CHEK2: variants seen among roughly 807,000 people sequenced by gnomAD.
CHEK2 encodes the protein checkpoint kinase 2.
CHEK2 carries 71 observed loss-of-function variants against 69.1 expected under a neutral mutation model. The observed-to-expected ratio is 1.03, with a 90% CI of 0.85 to 1.25. The LOEUF is 1.25. Among genes scored for constraint, CHEK2 ranks in the 50% most tolerant of loss-of-function variants. The pLI is 0.00. For missense variants in CHEK2, 664 were observed against 649.6 expected, an observed-to-expected ratio of 1.02 and a Z score of -0.24; for synonymous variants, 189 against 226.9, an observed-to-expected ratio of 0.83 and a Z score of 1.50.
At position 28,741,789 on chromosome 22, in the gene CHEK2, C is replaced by T. The variant is rs1057522353; in HGVS notation, c.-27G>A. 2.1e-6 allele frequency: 1 copy of T among 487,598 alleles called. No homozygotes were observed. Among genetic ancestry groups the T allele is most frequent in the Non-Finnish European group, 3.7e-6 (1 of 267,620 alleles). 30.2% of individuals were successfully genotyped at this position (487,598 alleles called of 1,614,324 possible). A position where few individuals can be genotyped will look rare whatever the true frequency, so the allele number is the denominator to read the frequency against. On this transcript the variant is annotated 5_prime_UTR_variant, in exon 1 of 15. Transcript: ENST00000404276. The stretch of plus-strand genomic sequence containing the variant: ...CTCACCGCGTGAGCCCACCTGGAGC[C>T]GCACACTCTCCGCAGCCTCAGCCAG...
intron 4 of CHEK2, among the ~76,000 whole-genome samples, chr22:28,722,433 G>C (rs1395469748): frequency 6.6e-6 from 1 of 151,338 alleles, no homozygotes; most frequent in Non-Finnish European, 1.5e-5. Context: ...CCAACTACTT[G>C]GGAGGCTGAG....
At position 28,696,973 on chromosome 22, in the gene CHEK2, G is replaced by A. The variant is rs377668478; in HGVS notation, c.1023C>T (p.Asn341=). ...GCTTTAAGTCACGGTGTATAATACC[G>A]TTTTCATGAAGGTACTACACAGAAA... ...MLLAVQYLHE[N]GIIHRDLKPE... is the part of the protein sequence containing the mutation. Residue 341 remains asparagine, a synonymous_variant, in exon 10 of 15, where the codon AAC becomes AAT. Coordinates refer to ENST00000404276, the MANE Select transcript of CHEK2 (RefSeq NM_007194.4). 2.0e-5 allele frequency: 33 copies of A among 1,611,370 alleles called. No homozygotes were observed. The highest frequency in any genetic ancestry group is 9.4e-5 in the African/African-American group (7 of 74,854).
intron 14 of CHEK2, among the ~76,000 whole-genome samples, chr22:28,688,466 C>T (rs995162198): frequency 8.5e-5 from 13 of 152,290 alleles, no homozygotes; most frequent in Middle Eastern, 3.4e-3. Context: ...GTCAAAAGTT[C>T]GAGACAAGCC....
chr22:28,695,924 A>G, intron 10 of CHEK2, 51 bp from the exon 11 acceptor site: 2 of 1,438,530 alleles, frequency 1.4e-6, no homozygotes, highest in Non-Finnish European at 2.0e-6. Flanking sequence ...TAAAATAAAA[A>G]GATTAACATA....
chr22:28,693,881 G>T, intron 13 of CHEK2, 151 bp downstream of exon 13: 1 of 693,484 alleles, frequency 1.4e-6, no homozygotes, highest in Non-Finnish European at 2.6e-6. Context: ...AAAACAGGTT[G>T]TAACCCATCC....
At chr22:28,731,373 C>G (rs1335703337) in intron 2 of CHEK2, among the ~76,000 whole-genome samples, 1 of 152,146 alleles carries the variant, frequency 6.6e-6, no homozygotes, top group African/African-American at 2.4e-5. Flanking sequence ...CCAAGGCGGG[C>G]AGATCACCTG....
At chr22:28,726,908 G>T (rs2054031531) in intron 2 of CHEK2, among the ~76,000 whole-genome samples, 1 of 150,304 alleles carries the variant, frequency 6.7e-6, no homozygotes, top group East Asian at 2.0e-4. Flanking sequence ...CCCCAAGAAT[G>T]CTGGGTTCAA....
intron 5 of CHEK2, among the ~76,000 whole-genome samples, chr22:28,715,088 C>T (rs1480803932): frequency 6.6e-6 from 1 of 152,236 alleles, no homozygotes; most frequent in Non-Finnish European, 1.5e-5. Context: ...TTCATACCTA[C>T]AGCCAGAGTT....
At chr22:28,692,804 G>C (rs2052416062) in intron 13 of CHEK2, among the ~76,000 whole-genome samples, 2 of 152,250 alleles carry the variant, frequency 1.3e-5, no homozygotes, top group African/African-American at 2.4e-5. Flanking sequence ...GACCTGTTGA[G>C]AGGTGATTGG....
intron 1 of CHEK2, among the ~76,000 whole-genome samples, chr22:28,738,247 T>C (rs2054471358): frequency 6.6e-6 from 1 of 152,152 alleles, no homozygotes; most frequent in South Asian, 2.1e-4. Flanking sequence ...GAGTTTTCTT[T>C]AAAACATACC....
chr22:28,711,240 G>C (rs1048978830), intron 6 of CHEK2, among the ~76,000 whole-genome samples: 3 of 152,100 alleles, frequency 2.0e-5, no homozygotes, highest in East Asian at 1.9e-4. Context: ...ATAAAGAAAG[G>C]CTATTTCAAT....
At chr22:28,694,724 G>GTT (rs1003350082) in intron 12 of CHEK2, among the ~76,000 whole-genome samples, 2 of 152,172 alleles carry the variant, frequency 1.3e-5, no homozygotes, top group African/African-American at 2.4e-5. Context: ...ATGACATCTA[G>GTT]TTTTTACATG....
rs1278025153 is a variant in CHEK2 at position 28,693,783 on chromosome 22, C to T, written c.1461+249G>A. ...CTGAGGCAGGAGAATCACTTGAACC[C>T]GGGGGCCAGAGGTTGCAGTGAGCTG... On this transcript the variant is annotated intron_variant, in intron 13 of 14. Transcript: ENST00000404276. 5.3e-5 allele frequency among the ~76,000 whole-genome samples: 8 copies of T among 152,116 alleles called. No individual in the cohort carries two copies. The South Asian group carries it at 8.3e-4, about 16-fold the overall frequency.
intron 12 of CHEK2, 60 bp from the exon 13 acceptor site, chr22:28,694,177 T>G (rs769859259): frequency 1.6e-4 from 186 of 1,148,888 alleles, no homozygotes; most frequent in Non-Finnish European, 2.3e-4. Flanking sequence ...AGTAAGAGTA[T>G]GCCAGAATTA....
intron 1 of CHEK2, among the ~76,000 whole-genome samples, chr22:28,736,222 G>A (rs1196945873): frequency 6.6e-6 from 1 of 152,170 alleles, no homozygotes; most frequent in Non-Finnish European, 1.5e-5. Flanking sequence ...ATTGAAAGTT[G>A]AGGAGCATCT....
In CHEK2 at chr22:28,695,751, A is replaced by T. The variant is rs2052553322; in HGVS notation, c.1218T>A (p.Arg406=). The change falls in exon 11 of 15, where the codon CGT becomes CGA. Residue 406 remains arginine, a synonymous_variant. Transcript: ENST00000404276. ...LVSVGTAGYN[R]AVDCWSLGVI... ...CTCCTAAACTCCAGCAGTCCACAGC[A>T]CGGTTATACCCAGCAGTCCCAACAG... The T allele has an allele frequency of 6.2e-7, 1 of 1,613,866 alleles. No individual in the cohort carries two copies. The highest frequency in any genetic ancestry group is 8.5e-7 in the Non-Finnish European group (1 of 1,179,740).
chr22:28,699,006 T>C (rs969449358), intron 9 of CHEK2, among the ~76,000 whole-genome samples: 15 of 151,938 alleles, frequency 9.9e-5, no homozygotes, highest in African/African-American at 3.6e-4. Context: ...CATAGGGCCA[T>C]GTTATCTCTT....
At chr22:28,688,711 C>T (rs1340570051) in intron 14 of CHEK2, among the ~76,000 whole-genome samples, 3 of 142,270 alleles carry the variant, frequency 2.1e-5, no homozygotes, top group Non-Finnish European at 3.1e-5. Context: ...GGAAAAAGGA[C>T]AGCTACCATT....
At chr22:28,694,338 G>T (rs1399283481) in intron 12 of CHEK2, among the ~76,000 whole-genome samples, 1 of 152,104 alleles carries the variant, frequency 6.6e-6, no homozygotes. Context: ...CTGCTGGGAC[G>T]TCAGTCACGA....
Sources: allele counts gnomAD v4.1 joint callset (sites outside exome capture counted in the v4.1 genomes callset), GRCh38; gene constraint gnomAD v4.1.1; transcripts MANE v1.5; gene names NCBI Gene and HGNC (gene_info 2026-07-23, HGNC 2026-07-21).